Variants in NTM observed in about 807,000 individuals in gnomAD.
NTM encodes neurotrimin.
NTM carries 13 observed loss-of-function variants against 42.1 expected under a neutral mutation model. The observed-to-expected ratio is 0.31, with a 90% CI of 0.20 to 0.49. The LOEUF is 0.49. Ranked by LOEUF, NTM falls within the 20% of genes least tolerant of loss-of-function variation. The pLI is 0.99. For missense variants in NTM, 373 were observed against 452.8 expected, an observed-to-expected ratio of 0.82 and a Z score of 1.60; for synonymous variants, 187 against 179.2, an observed-to-expected ratio of 1.04 and a Z score of -0.35.
chr11:131,744,706 G>A (rs2081591017), intron 1 of NTM, among the ~76,000 whole-genome samples: 2 of 152,148 alleles, frequency 1.3e-5, no homozygotes, highest in South Asian at 4.1e-4. Context: ...GTCCTCTGCA[G>A]TTATTTAAGG....
chr11:132,328,942 A>G (rs1359501040), intron 7 of NTM, among the ~76,000 whole-genome samples: 1 of 152,048 alleles, frequency 6.6e-6, no homozygotes, highest in Non-Finnish European at 1.5e-5. Flanking sequence ...AGTACATCAG[A>G]TATTTTCTCA....
chr11:131,698,908 T>TA (rs376255461), intron 1 of NTM, among the ~76,000 whole-genome samples: 1 of 152,238 alleles, frequency 6.6e-6, no homozygotes, highest in African/African-American at 2.4e-5. Flanking sequence ...GCTACTGATC[T>TA]TTCTAACTTA....
chr11:131,800,604 A>G (rs1007924170), intron 1 of NTM, among the ~76,000 whole-genome samples: 2 of 152,214 alleles, frequency 1.3e-5, no homozygotes, highest in South Asian at 2.1e-4. Flanking sequence ...TGCAGCACAC[A>G]CTGGCTGCAT....
chr11:131,817,806 C>T (rs1034399181), intron 1 of NTM, among the ~76,000 whole-genome samples: 11 of 152,218 alleles, frequency 7.2e-5, no homozygotes, highest in African/African-American at 1.7e-4. Context: ...CCAGCCCTTG[C>T]GGGCACTGAC....
Position 131,789,613 on chromosome 11 carries a change from GAA to G in NTM, c.83-121950_83-121949del, listed in dbSNP as rs2090410776. On this transcript the variant is annotated intron_variant, in intron 1 of 8. Coordinates refer to ENST00000683400, the MANE Select transcript of NTM (RefSeq NM_001352005.2). ...AGAAGAAGAAGAAGAAGAAGAAGAA[GAA>G]GAAGAAGAAGAAGAAGAAGAAAAGA... is the stretch of plus-strand genomic sequence containing the variant. 2.6e-4 allele frequency among the ~76,000 whole-genome samples: 22 copies of G among 84,570 alleles called. 1 individual carries two copies. The highest frequency in any genetic ancestry group is 1.2e-3 in the Admixed American group (9 of 7,590). 55.5% of individuals were successfully genotyped at this position (84,570 alleles called of 152,430 possible).
chr11:131,674,151 G>C (rs2070934406), intron 1 of NTM, among the ~76,000 whole-genome samples: 1 of 152,250 alleles, frequency 6.6e-6, no homozygotes, highest in African/African-American at 2.4e-5. Flanking sequence ...CCCTCGCGTG[G>C]CCATGAGAAG....
At chr11:131,677,106 C>T (rs1009013259) in intron 1 of NTM, among the ~76,000 whole-genome samples, 7 of 152,184 alleles carry the variant, frequency 4.6e-5, no homozygotes, top group African/African-American at 1.4e-4. Context: ...GGAAACCGCA[C>T]GGTGGGATAG....
At chr11:132,283,680 C>T in intron 4 of NTM, among the ~76,000 whole-genome samples, 1 of 152,198 alleles carries the variant, frequency 6.6e-6, no homozygotes, top group Non-Finnish European at 1.5e-5. Flanking sequence ...GCTTCCACCT[C>T]TAGGCGGTAC....
chr11:131,448,200 G>A (rs755022749), intron 1 of NTM, among the ~76,000 whole-genome samples: 18 of 152,348 alleles, frequency 1.2e-4, no homozygotes, highest in South Asian at 2.1e-4. Flanking sequence ...CGCTGAAGCC[G>A]CTGCCTTTGT....
At chr11:131,737,586 C>T (rs375924778) in intron 1 of NTM, among the ~76,000 whole-genome samples, 5 of 152,204 alleles carry the variant, frequency 3.3e-5, no homozygotes, top group African/African-American at 1.2e-4. Flanking sequence ...TTACTTCCTC[C>T]TCCCTGTTTC....
At chr11:131,886,830 G>A (rs777018444) in intron 1 of NTM, among the ~76,000 whole-genome samples, 1 of 152,202 alleles carries the variant, frequency 6.6e-6, no homozygotes, top group Non-Finnish European at 1.5e-5. Flanking sequence ...CCTGAGGAAG[G>A]GCTTGCTGGT....
intron 1 of NTM, among the ~76,000 whole-genome samples, chr11:131,676,435 A>ATG (rs113331899): frequency 0.028 from 4,272 of 151,978 alleles, 203 homozygotes; most frequent in African/African-American, 0.097. Flanking sequence ...GGGTGTGTGT[A>ATG]TCTGTGTGTG....
At chr11:131,597,821 T>C (rs938065217) in intron 1 of NTM, among the ~76,000 whole-genome samples, 6 of 152,102 alleles carry the variant, frequency 3.9e-5, no homozygotes. Flanking sequence ...TTTATTATCT[T>C]TGTTAAGCCT....
At chr11:131,450,266 G>A (rs1425020453) in intron 1 of NTM, among the ~76,000 whole-genome samples, 1 of 152,310 alleles carries the variant, frequency 6.6e-6, no homozygotes, top group Admixed American at 6.5e-5. Flanking sequence ...TCCAGTAGAT[G>A]AGGAAGAAAG....
chr11:132,003,109 G>T lies in NTM; in HGVS notation c.167+91461G>T, dbSNP rs370894019. 2.0e-5 allele frequency among the ~76,000 whole-genome samples: 3 copies of T among 152,112 alleles called. No homozygotes were observed. The South Asian group carries it at 6.2e-4, about 31-fold the overall frequency. ...GTTGTGTGTGTAATTGACTTTTATA[G>T]TCAATTCTGCTTATATTTCCTCCTT... On this transcript the variant is annotated intron_variant, in intron 2 of 8. Transcript: ENST00000683400. The surrounding 1 kb of genome is among the most constrained non-coding windows in gnomAD (Gnocchi z 6.0).
chr11:131,527,035 G>T (rs1312986485), intron 1 of NTM, among the ~76,000 whole-genome samples: 1 of 152,146 alleles, frequency 6.6e-6, no homozygotes, highest in Non-Finnish European at 1.5e-5. Context: ...TATCTAGTCC[G>T]AGCAATGACA....
intron 2 of NTM, among the ~76,000 whole-genome samples, chr11:132,085,415 G>A (rs1448210020): frequency 2.0e-5 from 3 of 152,198 alleles, no homozygotes; most frequent in Non-Finnish European, 4.4e-5. Flanking sequence ...CTTAACAATT[G>A]TGAAGCAGGC....
At chr11:131,980,525 G>A (rs2065066417) in intron 2 of NTM, among the ~76,000 whole-genome samples, 1 of 152,100 alleles carries the variant, frequency 6.6e-6, no homozygotes, top group Non-Finnish European at 1.5e-5. Context: ...TTTTCTTAAG[G>A]AATTCTAAAA....
At chr11:131,406,131 T>A (rs1945788927) in intron 1 of NTM, among the ~76,000 whole-genome samples, 1 of 152,246 alleles carries the variant, frequency 6.6e-6, no homozygotes. Context: ...GACAGGGTAT[T>A]GTCTTGTTCA....
Sources: allele counts gnomAD v4.1 joint callset (sites outside exome capture counted in the v4.1 genomes callset), GRCh38; gene constraint gnomAD v4.1.1; non-coding constraint Gnocchi (gnomAD v3.1); transcripts MANE v1.5; gene names NCBI Gene and HGNC (gene_info 2026-07-23, HGNC 2026-07-21).